The following DNAJC13 variants were observed in gnomAD, a reference collection of about 807,000 sequenced individuals.
DNAJC13 encodes the protein dnaJ homolog subfamily C member 13.
In DNAJC13, 75 loss-of-function variants were observed where a neutral mutation model predicts 290.5. The observed-to-expected ratio is 0.26, with a 90% CI of 0.21 to 0.31. The LOEUF (loss-of-function observed/expected upper bound fraction) is 0.31, where lower values mean the gene tolerates loss of function less well. Ranked by LOEUF, DNAJC13 falls within the 10% of genes least tolerant of loss-of-function variation. The probability of loss-of-function intolerance (pLI) is 1.00; values close to 1 mark genes in which losing one functional copy is unlikely to be tolerated. For synonymous variants in DNAJC13, 862 were observed against 892.0 expected, an observed-to-expected ratio of 0.97 and a Z score of 0.60; for missense variants, 2,260 against 2,674.5, an observed-to-expected ratio of 0.85 and a Z score of 3.42.
Position 132,526,255 on chromosome 3 carries a change from A to G in DNAJC13, c.6355A>G (p.Lys2119Glu). ...TGAAGCAATTAATCGAATGTTTCAG[A>G]AGGAGCAGAGTGAATTAGTAGCACA... ...ACEAINRMFQ[K>E]EQSELVAQAL... The change falls in exon 53 of 56, where the codon AAG becomes GAG. Residue 2119 changes from lysine to glutamate, a missense_variant. Around this residue, in one of 3 missense-constraint regions of DNAJC13, gnomAD observed 1,494 missense variants for 1,693.7 expected, o/e 0.88. Coordinates refer to ENST00000260818, the MANE Select transcript of DNAJC13 (RefSeq NM_015268.4). 6.2e-7 allele frequency: 1 copy of G among 1,614,080 alleles called. No homozygotes were observed. The highest frequency in any genetic ancestry group is 2.2e-5 in the East Asian group (1 of 44,856).
chr3:132,471,286 C>CCG (rs1559884121), intron 20 of DNAJC13, among the ~76,000 whole-genome samples: 1 of 135,798 alleles, frequency 7.4e-6, no homozygotes, highest in African/African-American at 2.8e-5. Context: ...GCTGGCCGGT[C>CCG]GGGGGGGCTG....
chr3:132,487,418 G>A (rs948999699), intron 29 of DNAJC13, among the ~76,000 whole-genome samples: 6 of 149,858 alleles, frequency 4.0e-5, no homozygotes, highest in East Asian at 3.9e-4. Flanking sequence ...CACCATGCCC[G>A]GCTAATTTTT....
intron 22 of DNAJC13, among the ~76,000 whole-genome samples, chr3:132,476,822 T>C (rs938529297): frequency 6.6e-6 from 1 of 152,232 alleles, no homozygotes; most frequent in Non-Finnish European, 1.5e-5. Context: ...ATCTTTTGAA[T>C]GTCGTTATCT....
chr3:132,488,781 C>G (rs1934967911), intron 30 of DNAJC13, among the ~76,000 whole-genome samples, 195 bp from the exon 31 acceptor site: 1 of 151,976 alleles, frequency 6.6e-6, no homozygotes, highest in African/African-American at 2.4e-5. Context: ...TTTAATATGA[C>G]TACACTTTAA....
intron 2 of DNAJC13, among the ~76,000 whole-genome samples, chr3:132,446,127 GT>G (rs1345459567): frequency 6.6e-4 from 95 of 143,152 alleles, no homozygotes; most frequent in Admixed American, 9.1e-4. Context: ...GGTATGCAGT[GT>G]TTTTTTTTTT....
intron 1 of DNAJC13, among the ~76,000 whole-genome samples, chr3:132,428,817 C>G (rs1338504275): frequency 1.3e-5 from 2 of 152,224 alleles, no homozygotes; most frequent in Non-Finnish European, 2.9e-5. Context: ...TCACTGCAAC[C>G]TCTGCCTCCT....
chr3:132,492,136 C>T (rs1289190736), intron 32 of DNAJC13, among the ~76,000 whole-genome samples: 2 of 152,100 alleles, frequency 1.3e-5, no homozygotes, highest in South Asian at 4.1e-4. Flanking sequence ...AGATGCTATA[C>T]CATTTGCCCT....
rs958540469 is a variant in DNAJC13, at chr3:132,475,197, C to G, written c.2445+112C>G. 8.4e-6 allele frequency: 6 copies of G among 714,026 alleles called. No homozygotes were observed. In the African/African-American group the frequency reaches 9.2e-5, roughly 11 times the overall value. The allele number at this position is 714,026 out of a possible 1,614,324, so 44.2% of individuals were successfully genotyped here. On this transcript the variant is annotated intron_variant, in intron 22 of 55. Coordinates refer to ENST00000260818, the MANE Select transcript of DNAJC13 (RefSeq NM_015268.4). ...TTACATATCTGGTCTTTACCTTTCCCCCTTTAATGTTATGTAGGAAATACT... is the reference window on the plus strand; with the variant it reads ...TTACATATCTGGTCTTTACCTTTCCGCCTTTAATGTTATGTAGGAAATACT...
rs779045815 is a variant in DNAJC13 at position 132,484,639 on chromosome 3, G to A, written c.3234G>A (p.Leu1078=). The A allele has an allele frequency of 1.9e-6, 3 of 1,614,120 alleles. No homozygotes were observed. The highest frequency in any genetic ancestry group is 1.1e-5 in the South Asian group (1 of 91,090). Residue 1078 remains leucine (L), a synonymous_variant, in exon 29 of 56, where the codon CTG becomes CTA. Coordinates refer to ENST00000260818, the MANE Select transcript of DNAJC13 (RefSeq NM_015268.4). Reference sequence around the variant, plus strand: ...CTCTACCCAAAGTGAAAAGACTGCTGTCAGATAGCACTTGCCTTCCCCATA... The same window carrying A: ...CTCTACCCAAAGTGAAAAGACTGCTATCAGATAGCACTTGCCTTCCCCATA... ...IRPLPKVKRL[L]SDSTCLPHII... is the part of the protein sequence containing the mutation.
chr3:132,482,208 A>T lies in DNAJC13; in HGVS notation c.2875-18A>T, dbSNP rs530001375. ...GATTTCTGCCTTGGAAAATAATTTA[A>T]ATCTTTTTTAAACTTAGAGCAATGT... On this transcript the variant is annotated intron_variant, in intron 26 of 55. Coordinates refer to ENST00000260818, the MANE Select transcript of DNAJC13 (RefSeq NM_015268.4). The T allele has an allele frequency of 1.1e-4, 181 of 1,592,794 alleles. 1 individual carries two copies. The South Asian group carries it at 1.8e-3, about 16-fold the overall frequency.
Position 132,447,902 on chromosome 3 carries a change from T to A in DNAJC13, c.299T>A (p.Phe100Tyr). Reference sequence around the variant, plus strand: ...TGGTTATGTTTTCTCTTTCAGAGATTTAGAACTGATTTTTCAGAGGGAAAA... The same window carrying A: ...TGGTTATGTTTTCTCTTTCAGAGATATAGAACTGATTTTTCAGAGGGAAAA... Reference protein sequence around the residue: ...RTELLTEALRFRTDFSEGKIT... With the variant: ...RTELLTEALRYRTDFSEGKIT... Residue 100 changes from phenylalanine (F) to tyrosine (Y), a missense_variant, in exon 5 of 56, where the codon TTT becomes TAT. By Grantham distance (22) the Phe-to-Tyr change is conservative. Around this residue, in one of 3 missense-constraint regions of DNAJC13, gnomAD observed 762 missense variants for 964.1 expected, o/e 0.79. Transcript: ENST00000260818. 1 of 1,598,858 alleles carries A rather than the reference T, an allele frequency of 6.3e-7. No individual in the cohort carries two copies. Among genetic ancestry groups the A allele is most frequent in the Non-Finnish European group, 8.6e-7 (1 of 1,168,566 alleles).
At chr3:132,434,132 C>A (rs560664959) in intron 1 of DNAJC13, among the ~76,000 whole-genome samples, 1 of 151,918 alleles carries the variant, frequency 6.6e-6, no homozygotes, top group African/African-American at 2.4e-5. Context: ...ATGGCGTGAA[C>A]GCGGGAGGCG....
chr3:132,424,091 T>TA (rs1366936983), intron 1 of DNAJC13, among the ~76,000 whole-genome samples: 1 of 152,174 alleles, frequency 6.6e-6, no homozygotes, highest in Non-Finnish European at 1.5e-5. Flanking sequence ...TCTATAAAGT[T>TA]ACAATAATGT....
Position 132,496,122 on chromosome 3 carries a change from G to C in DNAJC13, c.4021-406G>C, listed in dbSNP as rs553580271. Reference sequence around the variant, plus strand: ...TATCTCTAAGTTGCAGCATCCTCATGTAAAAAATGAGGATGATAATGGTAC... The same window carrying C: ...TATCTCTAAGTTGCAGCATCCTCATCTAAAAAATGAGGATGATAATGGTAC... On this transcript the variant is annotated intron_variant, in intron 35 of 55. Coordinates refer to ENST00000260818, the MANE Select transcript of DNAJC13 (RefSeq NM_015268.4). Among the ~76,000 whole-genome samples, 34 of 152,184 alleles carry C rather than the reference G, an allele frequency of 2.2e-4. No homozygotes were observed. In the South Asian group the frequency reaches 6.7e-3, roughly 30 times the overall value.
chr3:132,460,267 T>C lies in DNAJC13; in HGVS notation c.1467T>C (p.Tyr489=). ...ATCAATAGCCCATGCATGATGACTATGACTTAAGACAAGAACAGTTGAACA... is the reference window on the plus strand; with the variant it reads ...ATCAATAGCCCATGCATGATGACTACGACTTAAGACAAGAACAGTTGAACA... ...CALMCPMHDD[Y]DLRQEQLNKA... is the part of the protein sequence containing the mutation. Residue 489 remains tyrosine, a synonymous_variant, in exon 14 of 56, where the codon TAT becomes TAC. Coordinates refer to ENST00000260818, the MANE Select transcript of DNAJC13 (RefSeq NM_015268.4). 6.2e-7 allele frequency: 1 copy of C among 1,609,864 alleles called. No homozygotes were observed.
chr3:132,523,600 G>C lies in DNAJC13; in HGVS notation c.5947G>C (p.Val1983Leu). 1 of 1,614,084 alleles carries C rather than the reference G, an allele frequency of 6.2e-7. No individual in the cohort carries two copies. The highest frequency in any genetic ancestry group is 1.1e-5 in the South Asian group (1 of 91,072). The change falls in exon 51 of 56, where the codon GTC becomes CTC. Residue 1983 changes from valine (V) to leucine (L), a missense_variant. This residue lies in a region of DNAJC13 where 1,494 missense variants were observed against 1,693.7 expected (regional missense o/e 0.88). Transcript: ENST00000260818. Reference protein sequence around the residue: ...EAEGELAVGGVFLRIFIAQPA... With the variant: ...EAEGELAVGGLFLRIFIAQPA... ...AGAGGGTGAACTTGCTGTTGGAGGA[G>C]TCTTCTTGAGGATCTTTATTGCACA...
chr3:132,463,722 A>C lies in DNAJC13; in HGVS notation c.1797A>C (p.Lys599Asn). Residue 599 changes from lysine (K) to asparagine (N), a missense_variant, in exon 17 of 56, where the codon AAA (lysine) becomes AAC (asparagine). Coordinates refer to ENST00000260818, the MANE Select transcript of DNAJC13 (RefSeq NM_015268.4). The stretch of plus-strand genomic sequence containing the variant: ...AAGGTGATAAAGAAATTGCTACAAA[A>C]ATGCAGGAGCTTGCCCTAAGTGAAG... The part of the protein sequence containing the change: ...IEEGDKEIAT[K>N]MQELALSEGA... 1 of 1,613,170 alleles carries C rather than the reference A, an allele frequency of 6.2e-7. No individual in the cohort carries two copies. Among genetic ancestry groups the C allele is most frequent in the Non-Finnish European group, 8.5e-7 (1 of 1,179,370 alleles).
At chr3:132,442,006 GT>G (rs201467302) in intron 2 of DNAJC13, among the ~76,000 whole-genome samples, 3,407 of 145,104 alleles carry the variant, frequency 0.023, 143 homozygotes, top group African/African-American at 0.08. Context: ...TAACACATTG[GT>G]TTTTTTTTTT....
At chr3:132,435,979 T>C (rs1255692922) in intron 2 of DNAJC13, among the ~76,000 whole-genome samples, 2 of 152,182 alleles carry the variant, frequency 1.3e-5, no homozygotes, top group Admixed American at 6.5e-5. Flanking sequence ...AGAGTACAAC[T>C]GTTTGTGTGC....
Sources: allele counts gnomAD v4.1 joint callset (sites outside exome capture counted in the v4.1 genomes callset), GRCh38; gene constraint gnomAD v4.1.1; regional missense constraint gnomAD v4.1.1; transcripts MANE v1.5; gene names NCBI Gene and HGNC (gene_info 2026-07-23, HGNC 2026-07-21).